The following RHOBTB1 variants were observed in gnomAD, a reference collection of about 807,000 sequenced individuals.
The protein encoded by RHOBTB1 is Rho related BTB domain containing 1, also known as rho-related BTB domain-containing protein 1.
A neutral mutation model predicts 71.6 loss-of-function variants in RHOBTB1; 40 were observed. The observed-to-expected ratio is 0.56, with a 90% CI of 0.43 to 0.73. The LOEUF (loss-of-function observed/expected upper bound fraction) is 0.73. Ranked by LOEUF, RHOBTB1 falls within the 30% of genes least tolerant of loss-of-function variation. The pLI is 0.00. For missense variants in RHOBTB1, 797 were observed against 894.0 expected, an observed-to-expected ratio of 0.89 and a Z score of 1.38; for synonymous variants, 319 against 334.9, an observed-to-expected ratio of 0.95 and a Z score of 0.52.
At position 60,871,431 on chromosome 10, in the gene RHOBTB1, T is replaced by G. The variant is rs1192360601; in HGVS notation, c.*51A>C. 1.1e-5 allele frequency: 17 copies of G among 1,569,746 alleles called. No individual in the cohort carries two copies. The highest frequency in any genetic ancestry group is 1.5e-5 in the Non-Finnish European group (17 of 1,151,278). On this transcript the variant is annotated 3_prime_UTR_variant, in exon 11 of 11. Coordinates refer to ENST00000337910, the MANE Select transcript of RHOBTB1 (RefSeq NM_014836.5). ...TTTATAGTAGTGCTTTGAAAAGTGG[T>G]GGATCAGATTACCGATTGGTTTCTG...
intron 1 of RHOBTB1, among the ~76,000 whole-genome samples, chr10:60,942,240 A>G (rs1174110235): frequency 2.6e-5 from 4 of 152,204 alleles, no homozygotes; most frequent in Non-Finnish European, 4.4e-5. Flanking sequence ...TAGACAATAT[A>G]ATCATAATTA....
intron 2 of RHOBTB1, among the ~76,000 whole-genome samples, chr10:60,965,872 A>T (rs1010613901): frequency 4.6e-5 from 7 of 152,120 alleles, no homozygotes; most frequent in Admixed American, 6.6e-5. Flanking sequence ...TGGCAATTTC[A>T]TTGTTCGAAA....
Position 60,883,664 on chromosome 10 carries a change from A to G in RHOBTB1, c.1575+2448T>C, listed in dbSNP as rs183652316. ...GGTTTTACAAATTGGTGGCTACCCT[A>G]GCTTTTTTCTGGATACAAGAGGTAA... is the stretch of plus-strand genomic sequence containing the variant. On this transcript the variant is annotated intron_variant, in intron 7 of 10. Transcript: ENST00000337910. Among the ~76,000 whole-genome samples the G allele has an allele frequency of 3.9e-4, 60 of 152,324 alleles. 1 individual carries two copies. The highest frequency in any genetic ancestry group is 1.0e-3 in the Admixed American group (16 of 15,304).
the RHOBTB1 span, among the ~76,000 whole-genome samples, chr10:60,863,688 A>T: frequency 6.6e-6 from 1 of 152,096 alleles, no homozygotes; most frequent in South Asian, 2.1e-4. Flanking sequence ...GCCTGCCACC[A>T]TGCCTGGCTA....
chr10:60,911,221 C>G (rs901789128), intron 3 of RHOBTB1, 130 bp downstream of exon 3: 1 of 972,678 alleles, frequency 1.0e-6, no homozygotes, highest in Non-Finnish European at 1.5e-6. Flanking sequence ...TTTGTTTTCT[C>G]TCGTGGCACT....
chr10:60,980,741 G>A (rs1290671999), intron 2 of RHOBTB1, among the ~76,000 whole-genome samples: 1 of 152,154 alleles, frequency 6.6e-6, no homozygotes, highest in African/African-American at 2.4e-5. Context: ...TTAGAATTTA[G>A]CCTTCTACTC....
intron 2 of RHOBTB1, among the ~76,000 whole-genome samples, chr10:60,972,131 C>T (rs1341055328): frequency 7.2e-5 from 11 of 152,176 alleles, no homozygotes; most frequent in Middle Eastern, 3.4e-3. Flanking sequence ...GACAGTGTGG[C>T]GATTCCTCAA....
chr10:60,941,220 T>C (rs2084886388), intron 2 of RHOBTB1, among the ~76,000 whole-genome samples: 1 of 152,176 alleles, frequency 6.6e-6, no homozygotes, highest in African/African-American at 2.4e-5. Context: ...ACAAAAACTT[T>C]TTAAAAAATC....
rs2081556035 is a variant in RHOBTB1 at position 60,886,094 on chromosome 10, T to A, written c.1575+18A>T. The A allele has an allele frequency of 6.4e-7, 1 of 1,570,488 alleles. No homozygotes were observed. On this transcript the variant is annotated intron_variant, in intron 7 of 10. Transcript: ENST00000337910. ...TACATTCATAAAGACACCACTATGCTTTTAGGAAGGCACGTACCTCACTGT... is the reference window on the plus strand; with the variant it reads ...TACATTCATAAAGACACCACTATGCATTTAGGAAGGCACGTACCTCACTGT...
rs544983853 is a variant in RHOBTB1 at position 60,949,960 on chromosome 10, T to A, written c.-61-8106A>T. ...ATTATTTGTGTAGGTTTACCTAAAG[T>A]CCTTTCTGTGTGGATTCATTCATTA... On this transcript the variant is annotated intron_variant, in intron 2 of 11. Transcript: ENST00000357917. Among the ~76,000 whole-genome samples, 3 of 152,338 alleles carry A rather than the reference T, an allele frequency of 2.0e-5. 1 individual carries two copies. Among genetic ancestry groups the A allele is most frequent in the Admixed American group, 2.0e-4 (3 of 15,294 alleles).
chr10:60,951,863 C>T (rs2085420273), intron 2 of RHOBTB1, among the ~76,000 whole-genome samples: 1 of 152,094 alleles, frequency 6.6e-6, no homozygotes. Context: ...TTGAGACCAG[C>T]CTGGTCAACA....
chr10:60,910,327 TA>T (rs1228387005), intron 4 of RHOBTB1, among the ~76,000 whole-genome samples: 1 of 152,158 alleles, frequency 6.6e-6, no homozygotes, highest in Non-Finnish European at 1.5e-5. Context: ...TTCTCCTTTT[TA>T]AAAAAATAAA....
At position 60,869,695 on chromosome 10, in the gene RHOBTB1, A is replaced by G. The variant is rs975478628; in HGVS notation, c.*1787T>C. The G allele has an allele frequency of 1.3e-5, 2 of 152,618 alleles. No individual in the cohort carries two copies. Among genetic ancestry groups the G allele is most frequent in the African/African-American group, 4.8e-5 (2 of 41,456 alleles). 9.5% of individuals were successfully genotyped at this position (152,618 alleles called of 1,614,324 possible). A position where few individuals can be genotyped will look rare whatever the true frequency, so the allele number is the denominator to read the frequency against. On this transcript the variant is annotated 3_prime_UTR_variant, in exon 11 of 11. Transcript: ENST00000337910. Reference sequence around the variant, plus strand: ...ACTACTCATTGAAAACTCATCTTCTACCATTTTATGGTGGGATACATGTCA... The same window carrying G: ...ACTACTCATTGAAAACTCATCTTCTGCCATTTTATGGTGGGATACATGTCA...
chr10:60,932,709 A>T (rs973327764), intron 2 of RHOBTB1, among the ~76,000 whole-genome samples: 1 of 152,152 alleles, frequency 6.6e-6, no homozygotes, highest in Admixed American at 6.5e-5. Context: ...AAAAAGATTT[A>T]AAAATTTACA....
chr10:60,999,888 G>A (rs1416124891), intron 1 of RHOBTB1, among the ~76,000 whole-genome samples: 1 of 152,144 alleles, frequency 6.6e-6, no homozygotes, highest in African/African-American at 2.4e-5. Flanking sequence ...TTGAAATGCA[G>A]CTTATTTTAC....
intron 2 of RHOBTB1, among the ~76,000 whole-genome samples, chr10:60,966,950 G>A (rs1384574674): frequency 6.6e-6 from 1 of 151,814 alleles, no homozygotes; most frequent in Non-Finnish European, 1.5e-5. Context: ...GGATACAAGT[G>A]TAAGCACGAC....
At chr10:60,940,086 T>C (rs1248541791) in intron 2 of RHOBTB1, among the ~76,000 whole-genome samples, 1 of 152,190 alleles carries the variant, frequency 6.6e-6, no homozygotes, top group Non-Finnish European at 1.5e-5. Context: ...ATGTGACCTA[T>C]TTTGTAATGA....
At chr10:60,885,546 G>A (rs1357344310) in intron 7 of RHOBTB1, among the ~76,000 whole-genome samples, 2 of 152,166 alleles carry the variant, frequency 1.3e-5, no homozygotes, top group Admixed American at 1.3e-4. Flanking sequence ...CAGAGTCAGG[G>A]CAGAGCCTTA....
At chr10:60,926,489 C>T (rs1051341381) in intron 2 of RHOBTB1, among the ~76,000 whole-genome samples, 2 of 152,046 alleles carry the variant, frequency 1.3e-5, no homozygotes, top group East Asian at 1.9e-4. Flanking sequence ...CAATATAATG[C>T]TAGCAAATCA....
Sources: allele counts gnomAD v4.1 joint callset (sites outside exome capture counted in the v4.1 genomes callset), GRCh38; gene constraint gnomAD v4.1.1; transcripts MANE v1.5; gene names NCBI Gene and HGNC (gene_info 2026-07-23, HGNC 2026-07-21).